The following VPS37A variants were observed in gnomAD, a reference collection of about 807,000 sequenced individuals.
VPS37A encodes the protein vacuolar protein sorting-associated protein 37A.
A neutral mutation model predicts 49.8 loss-of-function variants in VPS37A; 30 were observed. The observed-to-expected ratio is 0.60, with a 90% confidence interval of 0.45 to 0.82. VPS37A has a LOEUF of 0.82. Ranked by LOEUF, VPS37A falls within the 40% of genes least tolerant of loss-of-function variation. The pLI is 0.00. For synonymous variants in VPS37A, 195 were observed against 160.6 expected (o/e 1.21, Z -1.62); for missense variants, 593 against 464.4 (o/e 1.28, Z -2.55).
chr8:17,282,674 A>G (rs554922801), intron 9 of VPS37A, among the ~76,000 whole-genome samples: 1 of 152,312 alleles, frequency 6.6e-6, no homozygotes, highest in Admixed American at 6.5e-5. Flanking sequence ...ATTCTGCTTT[A>G]ACAGTTATTC....
chr8:17,315,256 T>G, the VPS37A span, among the ~76,000 whole-genome samples: 1 of 152,238 alleles, frequency 6.6e-6, no homozygotes, highest in Non-Finnish European at 1.5e-5. Flanking sequence ...GGCTACATAT[T>G]ATATGATGTC....
intron 1 of VPS37A, among the ~76,000 whole-genome samples, chr8:17,252,091 C>T (rs1812034750): frequency 6.6e-6 from 1 of 152,164 alleles, no homozygotes. Context: ...CAACCCGTCG[C>T]ATGTTATATA....
chr8:17,286,951 G>A (rs117370001), intron 11 of VPS37A, among the ~76,000 whole-genome samples: 4 of 152,058 alleles, frequency 2.6e-5, no homozygotes, highest in Non-Finnish European at 5.9e-5. Flanking sequence ...GTAATTAATC[G>A]CTAGTAATGA....
Position 17,297,292 on chromosome 8 carries a change from T to G in VPS37A, c.*2306T>G, listed in dbSNP as rs551306584. On this transcript the variant is annotated 3_prime_UTR_variant, in exon 12 of 12. Transcript: ENST00000324849. The stretch of plus-strand genomic sequence containing the variant: ...TCTAAATCAATCAATCAGTGAGATA[T>G]AAACTAAACAGACCCACTTCAAAGT... 6.6e-6 allele frequency: 1 copy of G among 152,074 alleles called. No homozygotes were observed. Among genetic ancestry groups the G allele is most frequent in the Admixed American group, 6.6e-5 (1 of 15,264 alleles). 9.4% of individuals were successfully genotyped at this position (152,074 alleles called of 1,614,324 possible). A position where few individuals can be genotyped will look rare whatever the true frequency, so the allele number is the denominator to read the frequency against.
chr8:17,248,603 A>G (rs532248638), intron 1 of VPS37A, among the ~76,000 whole-genome samples: 4 of 152,304 alleles, frequency 2.6e-5, no homozygotes, highest in African/African-American at 7.2e-5. Flanking sequence ...TATTATTTTC[A>G]TACAGTTAAA....
At chr8:17,331,064 C>T in the VPS37A span, 1 of 1,481,844 alleles carries the variant, frequency 6.7e-7, no homozygotes, top group Non-Finnish European at 9.1e-7. Context: ...TATGTAAAAA[C>T]ATTTTAAAAT....
At chr8:17,270,129 A>G (rs1254542093) in intron 4 of VPS37A, among the ~76,000 whole-genome samples, 2 of 152,152 alleles carry the variant, frequency 1.3e-5, no homozygotes, top group Admixed American at 1.3e-4. Flanking sequence ...ATGGCATTAA[A>G]GTATTCATGA....
chr8:17,326,255 AG>A, the VPS37A span: 2 of 152,172 alleles, frequency 1.3e-5, no homozygotes, highest in East Asian at 3.9e-4. Flanking sequence ...GAGCTGAAAC[AG>A]GTTTCTCAGG....
chr8:17,264,994 A>G (rs146955592), intron 1 of VPS37A, among the ~76,000 whole-genome samples: 52 of 152,340 alleles, frequency 3.4e-4, no homozygotes, highest in African/African-American at 8.2e-4. Flanking sequence ...ATTACCTGCC[A>G]ATACCAAAGA....
At chr8:17,273,888 A>G (rs957679929) in intron 4 of VPS37A, among the ~76,000 whole-genome samples, 1 of 152,226 alleles carries the variant, frequency 6.6e-6, no homozygotes, top group African/African-American at 2.4e-5. Flanking sequence ...TTCAATGTAA[A>G]GGGAAGCATT....
intron 1 of VPS37A, among the ~76,000 whole-genome samples, chr8:17,250,046 C>G (rs1811828888): frequency 1.3e-5 from 2 of 152,120 alleles, no homozygotes; most frequent in Admixed American, 1.3e-4. Flanking sequence ...CCGGCCCGGG[C>G]TCATATGGAG....
intron 1 of VPS37A, among the ~76,000 whole-genome samples, chr8:17,255,462 C>G (rs1237111014): frequency 6.6e-6 from 1 of 151,664 alleles, no homozygotes; most frequent in Non-Finnish European, 1.5e-5. Context: ...GCCTGGGCAA[C>G]GAGAGTGAGA....
intron 2 of VPS37A, among the ~76,000 whole-genome samples, chr8:17,266,642 C>A (rs890522840): frequency 6.6e-6 from 1 of 152,180 alleles, no homozygotes; most frequent in Non-Finnish European, 1.5e-5. Context: ...AAGACAGGAA[C>A]CTTATCATAT....
At chr8:17,256,414 C>T (rs760919188) in intron 1 of VPS37A, among the ~76,000 whole-genome samples, 5 of 146,016 alleles carry the variant, frequency 3.4e-5, no homozygotes, top group East Asian at 2.1e-4. Context: ...GGTTTACAGG[C>T]GCACACCACC....
At chr8:17,317,767 G>A in the VPS37A span, among the ~76,000 whole-genome samples, 1 of 152,110 alleles carries the variant, frequency 6.6e-6, no homozygotes, top group Non-Finnish European at 1.5e-5. Flanking sequence ...AGCTTACTTT[G>A]GGGTTTCTCA....
At chr8:17,305,514 C>G (rs1817389616), downstream of VPS37A, among the ~76,000 whole-genome samples, 1 of 152,106 alleles carries the variant, frequency 6.6e-6, no homozygotes, top group African/African-American at 2.4e-5. Context: ...ATTCATGCAT[C>G]AAGTCTGTCA....
At chr8:17,282,595 G>A (rs1479772325) in intron 9 of VPS37A, among the ~76,000 whole-genome samples, 1 of 152,080 alleles carries the variant, frequency 6.6e-6, no homozygotes, top group Admixed American at 6.5e-5. Flanking sequence ...AAATACTAAT[G>A]CCAGTGGTCT....
At chr8:17,283,891 C>A (rs73208580) in intron 9 of VPS37A, among the ~76,000 whole-genome samples, 273 of 152,252 alleles carry the variant, frequency 1.8e-3, no homozygotes, top group Middle Eastern at 3.4e-3. Flanking sequence ...ATAGGGATTG[C>A]ATTGAGTCTA....
chr8:17,265,645 G>T, intron 1 of VPS37A: 1 of 704,722 alleles, frequency 1.4e-6, no homozygotes, highest in Non-Finnish European at 2.3e-6. Context: ...AAACAGTGTA[G>T]CATTAATGAA....
Sources: gnomAD v4.1 joint callset for allele counts (sites outside exome capture counted in the v4.1 genomes callset) on GRCh38, gnomAD v4.1.1 for gene constraint, MANE v1.5 for transcripts, NCBI Gene and HGNC (gene_info 2026-07-23, HGNC 2026-07-21) for gene names.